POLG2: variants seen among roughly 807,000 people sequenced by gnomAD.
POLG2 encodes DNA polymerase gamma 2, accessory subunit.
POLG2 carries 50 observed loss-of-function variants against 56.5 expected under a neutral mutation model. That is an observed-to-expected ratio of 0.88 (90% CI 0.71 to 1.12). The LOEUF is 1.12. POLG2 is among the 50% of genes most tolerant of loss of function. POLG2 has a pLI of 0.00. For synonymous variants in POLG2, 226 were observed against 222.6 expected (o/e 1.02, Z -0.14); for missense variants, 584 against 583.3 (o/e 1.00, Z -0.01).
chr17:64,489,220 T>C (rs1326314977), intron 4 of POLG2, among the ~76,000 whole-genome samples: 1 of 150,648 alleles, frequency 6.6e-6, no homozygotes, highest in Non-Finnish European at 1.5e-5. Context: ...TCAAAATAAA[T>C]AATGACAGTA....
In POLG2 at chr17:64,477,852, T is replaced by A; in HGVS notation, c.1429A>T (p.Lys477Ter). ...HISKLKDFLIKYISSAKNV is the reference protein window; with the variant it reads ...HISKLKDFLI Reference sequence around the variant, plus strand: ...ACATTCTTAGCTGATGATATATACTTAATCAAAAAGTCTTTTAATTTGGAT... The same window carrying A: ...ACATTCTTAGCTGATGATATATACTAAATCAAAAAGTCTTTTAATTTGGAT... The change falls in exon 8 of 8, where the codon AAG becomes TAG. Residue 477 changes from lysine (K) to a stop codon, truncating the protein, a stop_gained. Coordinates refer to ENST00000539111, the MANE Select transcript of POLG2 (RefSeq NM_007215.4). LOFTEE classifies it high-confidence loss of function. The A allele has an allele frequency of 1.9e-6, 3 of 1,607,664 alleles. No individual in the cohort carries two copies. Among genetic ancestry groups the A allele is most frequent in the Non-Finnish European group, 2.5e-6 (3 of 1,177,106 alleles).
chr17:64,493,004 C>T lies in POLG2; in HGVS notation c.580G>A (p.Val194Ile), dbSNP rs1568090786. ...TTGTTTACCAGATCCAGGCAATTAA[C>T]ATAGTGTTCCAAGGCACCTGTCAAA... ...NLLHGALEHY[V>I]NCLDLVNKRL... is the part of the protein sequence containing the mutation. The change falls in exon 2 of 8, where the codon GTT (valine) becomes ATT (isoleucine). Residue 194 changes from valine to isoleucine, a missense_variant. Val to Ile is a conservative substitution (Grantham distance 29, BLOSUM62 3). Transcript: ENST00000539111. The T allele has an allele frequency of 6.2e-7, 1 of 1,614,106 alleles. No individual in the cohort carries two copies. The highest frequency in any genetic ancestry group is 1.7e-5 in the Admixed American group (1 of 60,022).
chr17:64,491,485 G>A (rs758209607), intron 3 of POLG2: 171 of 1,319,466 alleles, frequency 1.3e-4, no homozygotes, highest in Middle Eastern at 2.7e-4. Flanking sequence ...AGTCCAGCCC[G>A]GGCAAAAGAG....
chr17:64,480,504 C>T (rs1598119303), intron 6 of POLG2, 115 bp from the exon 7 acceptor site: 1 of 537,754 alleles, frequency 1.9e-6, no homozygotes, highest in East Asian at 3.5e-5. Context: ...GGGTATGTTT[C>T]TTTAATTATG....
At chr17:64,486,190 T>C (rs1350263032) in intron 4 of POLG2, among the ~76,000 whole-genome samples, 2 of 152,186 alleles carry the variant, frequency 1.3e-5, no homozygotes, top group African/African-American at 4.8e-5. Context: ...CAGTGTTTCA[T>C]CAGCGAGGCC....
chr17:64,495,443 G>A (rs1450392926), intron 1 of POLG2, among the ~76,000 whole-genome samples: 1 of 151,910 alleles, frequency 6.6e-6, no homozygotes, highest in African/African-American at 2.4e-5. Flanking sequence ...AGCTGGGTGT[G>A]GTGGCATGTG....
chr17:64,491,676 G>T, intron 3 of POLG2: 2 of 1,225,960 alleles, frequency 1.6e-6, no homozygotes, highest in Non-Finnish European at 2.4e-6. Flanking sequence ...GTACATCAAC[G>T]TGAAGAAGGG....
At chr17:64,487,768 A>G (rs1187318360) in intron 4 of POLG2, among the ~76,000 whole-genome samples, 4 of 152,218 alleles carry the variant, frequency 2.6e-5, no homozygotes. Flanking sequence ...TTGGGAGGCC[A>G]GGGCAGGAGG....
In POLG2 at chr17:64,488,995, C is replaced by T. The variant is rs75781210; in HGVS notation, c.969+1801G>A. ...CTACTTTCTACTCATTATATATAAA[C>T]TCCTATGTTTTTGCTATATATTTTT... is the stretch of plus-strand genomic sequence containing the variant. On this transcript the variant is annotated intron_variant, in intron 4 of 7. Coordinates refer to ENST00000539111, the MANE Select transcript of POLG2 (RefSeq NM_007215.4). Among the ~76,000 whole-genome samples the T allele has an allele frequency of 7.8e-3, 1,184 of 151,176 alleles. 16 individuals are homozygous for T. Among genetic ancestry groups the T allele is most frequent in the Non-Finnish European group, 0.011 (742 of 67,806 alleles).
At chr17:64,487,255 T>C (rs1456257213) in intron 4 of POLG2, 1 of 152,204 alleles carries the variant, frequency 6.6e-6, no homozygotes, top group Non-Finnish European at 1.5e-5. Context: ...CAGTAAACTT[T>C]CTGATACCTG....
chr17:64,482,893 A>C, intron 6 of POLG2, 26 bp downstream of exon 6: 3 of 1,255,486 alleles, frequency 2.4e-6, no homozygotes, highest in Non-Finnish European at 3.5e-6. Flanking sequence ...TGTAATTAAA[A>C]TGACATTTAA....
chr17:64,482,455 GGGA>G (rs1488919125), intron 6 of POLG2, among the ~76,000 whole-genome samples: 1 of 151,536 alleles, frequency 6.6e-6, no homozygotes, highest in Non-Finnish European at 1.5e-5. Flanking sequence ...CTGAGTATCT[GGGA>G]CTACAGGTGC....
Position 64,496,943 on chromosome 17 carries a change from G to A in POLG2, c.26C>T (p.Ala9Val), listed in dbSNP as rs781955943. The change falls in exon 1 of 8, where the codon GCC becomes GTC. Residue 9 changes from alanine (A) to valine (V), a missense_variant. Physicochemically the swap from Ala to Val is moderately conservative, Grantham distance 64 (BLOSUM62 0). Coordinates refer to ENST00000539111, the MANE Select transcript of POLG2 (RefSeq NM_007215.4). MRSRVAVRACHKVCRCLLS... is the reference protein window; with the variant it reads MRSRVAVRVCHKVCRCLLS... ...CAGGCACCTGCAGACCTTATGGCAGGCCCTGACGGCTACACGAGAGCGCAT... is the reference window on the plus strand; with the variant it reads ...CAGGCACCTGCAGACCTTATGGCAGACCCTGACGGCTACACGAGAGCGCAT... 55 of 1,608,734 alleles carry A rather than the reference G, an allele frequency of 3.4e-5. 2 individuals are homozygous for A. In the South Asian group the frequency reaches 6.0e-4, roughly 18 times the overall value.
intron 6 of POLG2, chr17:64,481,376 T>C: frequency 1.0e-6 from 1 of 985,366 alleles, no homozygotes; most frequent in Non-Finnish European, 1.2e-6. Context: ...TTAAATCTTT[T>C]TAGTGTCCGC....
chr17:64,488,345 T>C (rs1224699229), intron 4 of POLG2, among the ~76,000 whole-genome samples: 1 of 152,106 alleles, frequency 6.6e-6, no homozygotes, highest in African/African-American at 2.4e-5. Context: ...AAAGGAACAA[T>C]GTCATGGAAG....
intron 4 of POLG2, among the ~76,000 whole-genome samples, chr17:64,488,292 T>A (rs991401159): frequency 6.6e-6 from 1 of 152,170 alleles, no homozygotes; most frequent in East Asian, 1.9e-4. Flanking sequence ...TTTTATAACA[T>A]GTTCAACTAA....
At position 64,489,369 on chromosome 17, in the gene POLG2, A is replaced by C. The variant is rs543093382; in HGVS notation, c.969+1427T>G. 7.6e-4 allele frequency among the ~76,000 whole-genome samples: 116 copies of C among 151,840 alleles called. 1 individual carries two copies. Among genetic ancestry groups the C allele is most frequent in the Non-Finnish European group, 1.5e-3 (101 of 67,956 alleles). ...TGGAATTTGTTTTTTTTTAAAAAAA[A>C]AAAAAAGGGAAGGGGAAAAAAACAC... On this transcript the variant is annotated intron_variant, in intron 4 of 7. Coordinates refer to ENST00000539111, the MANE Select transcript of POLG2 (RefSeq NM_007215.4).
At chr17:64,489,532 A>T (rs1275096806) in intron 4 of POLG2, among the ~76,000 whole-genome samples, 3 of 151,800 alleles carry the variant, frequency 2.0e-5, no homozygotes, top group African/African-American at 7.3e-5. Context: ...AGGCTGAGGC[A>T]GGGGGATTGT....
chr17:64,487,890 G>A (rs1354065766), intron 4 of POLG2, among the ~76,000 whole-genome samples: 1 of 152,020 alleles, frequency 6.6e-6, no homozygotes, highest in Non-Finnish European at 1.5e-5. Flanking sequence ...TTGAAAATTG[G>A]ATATCCAACA....
Sources: gnomAD v4.1 joint callset for allele counts (sites outside exome capture counted in the v4.1 genomes callset) on GRCh38, gnomAD v4.1.1 for gene constraint, MANE v1.5 for transcripts, NCBI Gene and HGNC (gene_info 2026-07-23, HGNC 2026-07-21) for gene names.